PHACTR3: variants seen among roughly 807,000 people sequenced by gnomAD.
PHACTR3 encodes the protein phosphatase and actin regulator 3.
Under a neutral mutation model 66.8 loss-of-function variants are expected in PHACTR3, and 16 were observed. The observed-to-expected ratio is 0.24, with a 90% CI of 0.16 to 0.36. The LOEUF (loss-of-function observed/expected upper bound fraction) is 0.36. PHACTR3 is among the 10% of genes least tolerant of loss of function. The probability of loss-of-function intolerance (pLI) is 1.00; values close to 1 mark genes in which losing one functional copy is unlikely to be tolerated. For missense variants in PHACTR3, 647 were observed against 719.9 expected (o/e 0.90, Z 1.16); for synonymous variants, 323 against 292.1 (o/e 1.11, Z -1.08).
chr20:59,806,826 G>C (rs1049502456), intron 8 of PHACTR3, among the ~76,000 whole-genome samples: 3 of 152,244 alleles, frequency 2.0e-5, no homozygotes, highest in Admixed American at 6.5e-5. Context: ...TGTAGCTGAT[G>C]GCTCCGAGGC....
At chr20:59,788,617 C>T (rs2040997598) in intron 7 of PHACTR3, among the ~76,000 whole-genome samples, 1 of 152,154 alleles carries the variant, frequency 6.6e-6, no homozygotes, top group African/African-American at 2.4e-5. Context: ...CACATCTGTC[C>T]CCATATGTGG....
chr20:59,779,107 A>G (rs2040636417), intron 7 of PHACTR3, among the ~76,000 whole-genome samples: 1 of 152,156 alleles, frequency 6.6e-6, no homozygotes, highest in Admixed American at 6.5e-5. Context: ...GGCTGGGCTC[A>G]TTGCACAAAC....
At chr20:59,631,911 C>G (rs2034678943) in intron 1 of PHACTR3, among the ~76,000 whole-genome samples, 1 of 152,142 alleles carries the variant, frequency 6.6e-6, no homozygotes, top group Non-Finnish European at 1.5e-5. Flanking sequence ...CCCAGAAGCC[C>G]CTGTAGAGTG....
intron 1 of PHACTR3, among the ~76,000 whole-genome samples, chr20:59,617,372 T>C (rs1250327405): frequency 1.3e-5 from 2 of 152,218 alleles, no homozygotes; most frequent in Non-Finnish European, 2.9e-5. Flanking sequence ...AGCAAGCCAG[T>C]GGGCAGGAGC....
At chr20:59,783,060 G>A (rs1353825488) in intron 7 of PHACTR3, among the ~76,000 whole-genome samples, 1 of 152,144 alleles carries the variant, frequency 6.6e-6, no homozygotes, top group Non-Finnish European at 1.5e-5. Flanking sequence ...GTACTGAAAG[G>A]CTTCGTGCAG....
chr20:59,773,401 C>G lies in PHACTR3; in HGVS notation c.874C>G (p.Arg292Gly), dbSNP rs770872817. 2 of 1,614,138 alleles carry G rather than the reference C, an allele frequency of 1.2e-6. No homozygotes were observed. Among genetic ancestry groups the G allele is most frequent in the South Asian group, 2.2e-5 (2 of 91,076 alleles). ...GGTCCACCGGCCTCTTCCCCCAAGC[C>G]GCGTCATTGAGGAGCTGCACAGGGC... ...TTVHRPLPPS[R>G]VIEELHRALA... Residue 292 changes from arginine to glycine, a missense_variant, in exon 6 of 13, where the codon CGC becomes GGC. By Grantham distance (125) the Arg-to-Gly change is moderately radical (BLOSUM62 -2). This residue lies in a region of PHACTR3 where 577 missense variants were observed against 571.1 expected (regional missense o/e 1.01). Coordinates refer to ENST00000371015, the MANE Select transcript of PHACTR3 (RefSeq NM_080672.5).
chr20:59,632,276 G>C (rs2034694284), intron 1 of PHACTR3, among the ~76,000 whole-genome samples: 1 of 152,130 alleles, frequency 6.6e-6, no homozygotes, highest in African/African-American at 2.4e-5. Context: ...CTTGCGTCTG[G>C]CTGGGAAAAG....
intron 1 of PHACTR3, among the ~76,000 whole-genome samples, chr20:59,635,264 TG>T (rs537150595): frequency 0.013 from 1,912 of 145,090 alleles, 87 homozygotes; most frequent in African/African-American, 0.047. Flanking sequence ...GATAGAGTTT[TG>T]CTCTTGTTGC....
chr20:59,805,724 C>T lies in PHACTR3; in HGVS notation c.1175-317C>T, dbSNP rs144521332. On this transcript the variant is annotated intron_variant, in intron 7 of 12. Transcript: ENST00000371015. ...GTGTCATTTTTGGTCCAAACTCAGA[C>T]GTTTTTGAAAGAAAAATGTAGGTGC... is the stretch of plus-strand genomic sequence containing the variant. 8.0e-4 allele frequency among the ~76,000 whole-genome samples: 122 copies of T among 152,258 alleles called. 2 individuals carry two copies. The East Asian group carries it at 0.014, about 17-fold the overall frequency.
chr20:59,687,188 TGAC>T (rs1295109944), intron 1 of PHACTR3, among the ~76,000 whole-genome samples: 1 of 150,776 alleles, frequency 6.6e-6, no homozygotes, highest in Non-Finnish European at 1.5e-5. Context: ...ATAGTGGTGA[TGAC>T]GATGATGATC....
At chr20:59,739,069 G>A (rs1344818756) in intron 1 of PHACTR3, among the ~76,000 whole-genome samples, 4 of 152,164 alleles carry the variant, frequency 2.6e-5, no homozygotes, top group African/African-American at 4.8e-5. Flanking sequence ...TCTGCCTCCC[G>A]TGGCCTTGGG....
At chr20:59,656,292 A>G (rs2035617441) in intron 1 of PHACTR3, among the ~76,000 whole-genome samples, 2 of 151,878 alleles carry the variant, frequency 1.3e-5, no homozygotes. Context: ...CTTTAACTCT[A>G]TCAATATTTG....
At chr20:59,739,944 C>G (rs568019994) in intron 1 of PHACTR3, among the ~76,000 whole-genome samples, 3 of 151,962 alleles carry the variant, frequency 2.0e-5, no homozygotes, top group African/African-American at 7.2e-5. Context: ...AGCTCTGAGA[C>G]CAACAAAAAA....
intron 7 of PHACTR3, among the ~76,000 whole-genome samples, chr20:59,781,577 G>A (rs1375277225): frequency 1.3e-5 from 2 of 152,176 alleles, no homozygotes; most frequent in East Asian, 3.8e-4. Flanking sequence ...TGGTAGCCCT[G>A]CTGCCAAGGT....
chr20:59,595,294 C>CTA (rs1473378064), intron 1 of PHACTR3, among the ~76,000 whole-genome samples: 1 of 152,070 alleles, frequency 6.6e-6, no homozygotes, highest in African/African-American at 2.4e-5. Context: ...AACCCCATCT[C>CTA]TACTAAAAAA....
intron 7 of PHACTR3, among the ~76,000 whole-genome samples, chr20:59,784,472 G>T (rs6128694): frequency 0.11 from 16,992 of 152,106 alleles, 2,281 homozygotes; most frequent in African/African-American, 0.31. Flanking sequence ...AGCTGCCAGG[G>T]TGGAGAACCA....
chr20:59,718,564 G>GA (rs11481022), intron 1 of PHACTR3, among the ~76,000 whole-genome samples: 33,709 of 143,378 alleles, frequency 0.24, 4,422 homozygotes, highest in Non-Finnish European at 0.32. Context: ...TGATGCTATA[G>GA]AAAAAAAAAA....
chr20:59,717,072 A>G (rs2146665659), intron 1 of PHACTR3, among the ~76,000 whole-genome samples: 1 of 152,366 alleles, frequency 6.6e-6, no homozygotes, highest in Admixed American at 6.5e-5. Context: ...CAAAAATTAA[A>G]TAGATTTACT....
intron 1 of PHACTR3, among the ~76,000 whole-genome samples, chr20:59,635,809 A>G (rs527273745): frequency 6.6e-6 from 1 of 152,138 alleles, no homozygotes; most frequent in Non-Finnish European, 1.5e-5. Flanking sequence ...AAAGCTTCAT[A>G]TTATCCTGAT....
Sources: gnomAD v4.1 joint callset for allele counts (sites outside exome capture counted in the v4.1 genomes callset) on GRCh38, gnomAD v4.1.1 for gene constraint, gnomAD v4.1.1 regional missense constraint, MANE v1.5 for transcripts, NCBI Gene and HGNC (gene_info 2026-07-23, HGNC 2026-07-21) for gene names.